The following KIAA1217 variants were observed in gnomAD, a reference collection of about 807,000 sequenced individuals.
KIAA1217 encodes the protein sickle tail protein homolog.
Under a neutral mutation model 163.9 loss-of-function variants are expected in KIAA1217, and 88 were observed. The observed-to-expected ratio is 0.54, with a 90% CI of 0.45 to 0.64. The LOEUF is 0.64. Ranked by LOEUF, KIAA1217 falls within the 30% of genes least tolerant of loss-of-function variation. The pLI is 0.00. For synonymous variants in KIAA1217, 903 were observed against 923.1 expected (o/e 0.98, Z 0.39); for missense variants, 2,372 against 2,475.0 (o/e 0.96, Z 0.88).
At chr10:24,382,943 G>C (rs1327023679) in intron 3 of KIAA1217, among the ~76,000 whole-genome samples, 1 of 148,638 alleles carries the variant, frequency 6.7e-6, no homozygotes, top group African/African-American at 2.5e-5. Context: ...GACTTCCCAC[G>C]TTCAAGGGAT....
At chr10:24,511,572 G>T (rs1009104103) in intron 9 of KIAA1217, among the ~76,000 whole-genome samples, 2 of 152,010 alleles carry the variant, frequency 1.3e-5, no homozygotes, top group Non-Finnish European at 1.5e-5. Context: ...GTTTGAACCC[G>T]GGAGGCAGAG....
At chr10:23,780,589 AG>A (rs1835212707) in intron 1 of KIAA1217, among the ~76,000 whole-genome samples, 1 of 152,206 alleles carries the variant, frequency 6.6e-6, no homozygotes, top group Non-Finnish European at 1.5e-5. Context: ...CTGTTGCAAA[AG>A]GCAAGATCTT....
chr10:24,331,335 C>T (rs961280082), intron 2 of KIAA1217, among the ~76,000 whole-genome samples: 4 of 152,288 alleles, frequency 2.6e-5, no homozygotes, highest in Non-Finnish European at 4.4e-5. Flanking sequence ...GTTGGATAAG[C>T]ATTTGGTCAT....
At chr10:24,395,405 C>T (rs1003441445) in intron 3 of KIAA1217, among the ~76,000 whole-genome samples, 4 of 152,296 alleles carry the variant, frequency 2.6e-5, no homozygotes, top group Middle Eastern at 3.4e-3. Context: ...TCAAGGATTT[C>T]CCACACCAGT....
intron 2 of KIAA1217, among the ~76,000 whole-genome samples, chr10:24,065,624 G>T (rs57837939): frequency 0.026 from 4,007 of 152,210 alleles, 166 homozygotes; most frequent in African/African-American, 0.092. Flanking sequence ...TTCTGTTGAT[G>T]TGGGGTGGAG....
chr10:24,001,523 G>T lies in KIAA1217; in HGVS notation c.-320-5702G>T, dbSNP rs773399946. Among the ~76,000 whole-genome samples, 6 of 152,284 alleles carry T rather than the reference G, an allele frequency of 3.9e-5. No homozygotes were observed. The South Asian group carries it at 8.3e-4, about 21-fold the overall frequency. On this transcript the variant is annotated intron_variant, in intron 1 of 18. Coordinates refer to the KIAA1217 transcript ENST00000376462. Reference sequence around the variant, plus strand: ...TGAGCCTTTACTGTATACCAGGGAGGTTACTATATGGTTCACAGATAGTTA... The same window carrying T: ...TGAGCCTTTACTGTATACCAGGGAGTTTACTATATGGTTCACAGATAGTTA...
At chr10:24,014,227 G>A (rs574213042) in intron 2 of KIAA1217, among the ~76,000 whole-genome samples, 29 of 152,090 alleles carry the variant, frequency 1.9e-4, no homozygotes, top group African/African-American at 6.7e-4. Context: ...TTAAATAAAG[G>A]GTACTTCATG....
At chr10:24,244,561 C>CTTTTTTTTTTT (rs11318420) in intron 2 of KIAA1217, among the ~76,000 whole-genome samples, 1 of 85,312 alleles carries the variant, frequency 1.2e-5, no homozygotes, top group Non-Finnish European at 2.4e-5. Flanking sequence ...TTCTTTCTTT[C>CTTTTTTTTTTT]TTTTTTTTTT....
intron 4 of KIAA1217, among the ~76,000 whole-genome samples, chr10:24,438,137 A>G (rs1442379452): frequency 1.3e-5 from 2 of 151,980 alleles, no homozygotes; most frequent in Non-Finnish European, 2.9e-5. Context: ...ATGGGTGGGG[A>G]ACTATACTGG....
chr10:24,100,863 A>G (rs1236794854), intron 2 of KIAA1217, among the ~76,000 whole-genome samples: 1 of 152,148 alleles, frequency 6.6e-6, no homozygotes, highest in African/African-American at 2.4e-5. Context: ...TATTTTCCTC[A>G]TAAAATGAAC....
chr10:24,279,237 G>T, intron 2 of KIAA1217, among the ~76,000 whole-genome samples: 1 of 147,518 alleles, frequency 6.8e-6, no homozygotes, highest in Admixed American at 6.8e-5. Flanking sequence ...TCTAGTGTCT[G>T]TTTTTTTTTT....
chr10:24,352,974 G>A (rs983962103), intron 2 of KIAA1217, among the ~76,000 whole-genome samples: 3 of 151,964 alleles, frequency 2.0e-5, no homozygotes, highest in Non-Finnish European at 4.4e-5. Flanking sequence ...AGTCAGTGCT[G>A]GAGAGCAAAA....
intron 2 of KIAA1217, among the ~76,000 whole-genome samples, chr10:24,363,122 A>G (rs2050248479): frequency 6.6e-6 from 1 of 152,150 alleles, no homozygotes; most frequent in Non-Finnish European, 1.5e-5. Context: ...TATATTTATT[A>G]TAGAAAACCC....
At chr10:23,991,543 T>G (rs1211535962) in intron 1 of KIAA1217, among the ~76,000 whole-genome samples, 4 of 152,182 alleles carry the variant, frequency 2.6e-5, no homozygotes, top group Admixed American at 1.3e-4. Flanking sequence ...GGGAGTAATC[T>G]CTATACACCG....
chr10:23,926,206 C>T (rs1032252234), intron 1 of KIAA1217, among the ~76,000 whole-genome samples: 11 of 152,084 alleles, frequency 7.2e-5, no homozygotes, highest in Non-Finnish European at 1.0e-4. Context: ...CACCCAGGGC[C>T]GGGATGGGTG....
At chr10:23,859,571 G>A (rs959260516) in intron 1 of KIAA1217, among the ~76,000 whole-genome samples, 1 of 152,186 alleles carries the variant, frequency 6.6e-6, no homozygotes, top group South Asian at 2.1e-4. Flanking sequence ...ACAATAGTCA[G>A]ACTATGGCTG....
intron 1 of KIAA1217, among the ~76,000 whole-genome samples, chr10:23,697,791 C>T (rs962639224): frequency 6.6e-6 from 1 of 151,616 alleles, no homozygotes; most frequent in Non-Finnish European, 1.5e-5. Flanking sequence ...GTGGGAAGAT[C>T]GCTTGAGCCC....
At chr10:23,999,886 C>G (rs1171055936) in intron 1 of KIAA1217, among the ~76,000 whole-genome samples, 4 of 151,970 alleles carry the variant, frequency 2.6e-5, no homozygotes, top group Non-Finnish European at 4.4e-5. Flanking sequence ...ATAGCAAGGC[C>G]CTGTCTCTAC....
chr10:23,802,706 T>C (rs1161157987), intron 1 of KIAA1217, among the ~76,000 whole-genome samples: 1 of 152,194 alleles, frequency 6.6e-6, no homozygotes, highest in African/African-American at 2.4e-5. Flanking sequence ...ATCAGTGACA[T>C]AAAAGTCAAC....
Sources: gnomAD v4.1 joint callset for allele counts (sites outside exome capture counted in the v4.1 genomes callset) on GRCh38, gnomAD v4.1.1 for gene constraint, MANE v1.5 for transcripts, NCBI Gene and HGNC (gene_info 2026-07-23, HGNC 2026-07-21) for gene names.